PSD3: variants seen among roughly 807,000 people sequenced by gnomAD.
PSD3 encodes the protein PH and SEC7 domain-containing protein 3.
PSD3 carries 49 observed loss-of-function variants against 105.5 expected under a neutral mutation model. The ratio of observed to expected loss-of-function variants is 0.46; its 90% CI spans 0.37 to 0.59. The LOEUF is 0.59. Ranked by LOEUF, PSD3 falls within the 20% of genes least tolerant of loss-of-function variation. The pLI is 0.00. For synonymous variants in PSD3, 557 were observed against 457.8 expected, an observed-to-expected ratio of 1.22 and a Z score of -2.77; for missense variants, 1,561 against 1,263.8, an observed-to-expected ratio of 1.24 and a Z score of -3.57.
intron 4 of PSD3, among the ~76,000 whole-genome samples, chr8:18,846,542 T>C (rs1192761351): frequency 6.6e-6 from 1 of 152,034 alleles, no homozygotes; most frequent in Non-Finnish European, 1.5e-5. Flanking sequence ...CTCTGGGAGG[T>C]TGTATTCCTG....
At chr8:19,080,495 A>G (rs188891308) in intron 1 of PSD3, among the ~76,000 whole-genome samples, 11 of 152,266 alleles carry the variant, frequency 7.2e-5, no homozygotes, top group Middle Eastern at 3.4e-3. Flanking sequence ...AATTCACACT[A>G]TTTTTCCTAG....
intron 1 of PSD3, among the ~76,000 whole-genome samples, chr8:19,029,253 T>C (rs969486302): frequency 3.9e-5 from 6 of 152,190 alleles, no homozygotes; most frequent in South Asian, 4.1e-4. Flanking sequence ...TTGGAGGGAA[T>C]TGAAAATCTC....
chr8:18,641,365 T>A (rs1807628616), intron 10 of PSD3, among the ~76,000 whole-genome samples: 1 of 152,186 alleles, frequency 6.6e-6, no homozygotes, highest in South Asian at 2.1e-4. Flanking sequence ...TGCTAGGCAG[T>A]CCTGATATCA....
chr8:18,816,645 T>C (rs1234606032), intron 4 of PSD3, among the ~76,000 whole-genome samples: 1 of 152,236 alleles, frequency 6.6e-6, no homozygotes, highest in Non-Finnish European at 1.5e-5. Context: ...TTCTAAGTGC[T>C]AGGGGTGCAG....
At position 18,871,820 on chromosome 8, in the gene PSD3, A is replaced by C. The variant is rs1416242331; in HGVS notation, c.1044T>G (p.Ala348=). The C allele has an allele frequency of 2.5e-6, 4 of 1,614,114 alleles. No individual in the cohort carries two copies. The highest frequency in any genetic ancestry group is 3.4e-6 in the Non-Finnish European group (4 of 1,180,050). ...TTAAACTACTTGAATTACACAAACC[A>C]GCTGATGAGATGAGATGGCGTGGCA... ...SKVPRHLISS[A]GLCNSSSLTE... Residue 348 remains alanine, a synonymous_variant, in exon 3 of 16, where the codon GCT becomes GCG. Coordinates refer to ENST00000327040, the MANE Select transcript of PSD3 (RefSeq NM_015310.4).
At chr8:18,620,498 C>T (rs572336027) in intron 11 of PSD3, among the ~76,000 whole-genome samples, 1 of 151,992 alleles carries the variant, frequency 6.6e-6, no homozygotes, top group African/African-American at 2.4e-5. Flanking sequence ...TCACTTGAGC[C>T]CAGTAGTTTG....
In PSD3 at chr8:18,872,729, A is replaced by G. The variant is rs760367384; in HGVS notation, c.135T>C (p.Asp45=). 2.1e-5 allele frequency: 33 copies of G among 1,553,628 alleles called. 1 individual carries two copies. The East Asian group carries it at 7.4e-4, about 35-fold the overall frequency. Residue 45 remains aspartate, a synonymous_variant, in exon 3 of 16, where the codon GAT becomes GAC. Coordinates refer to ENST00000327040, the MANE Select transcript of PSD3 (RefSeq NM_015310.4). The stretch of plus-strand genomic sequence containing the variant: ...GTGGGAGTAAAGTGCTTCCTCCATG[A>G]TCACCTGTGAAGAGAACACAATGGA... ...RSEGKAPDTS[D]HGGSTLLPPN...
chr8:18,986,670 AAG>A (rs1240098687), intron 1 of PSD3, among the ~76,000 whole-genome samples: 1 of 151,850 alleles, frequency 6.6e-6, no homozygotes, highest in Non-Finnish European at 1.5e-5. Flanking sequence ...GCTCTTTTTG[AAG>A]AGTTAGACAC....
At chr8:18,646,745 A>C (rs1043949846) in intron 10 of PSD3, among the ~76,000 whole-genome samples, 14 of 152,198 alleles carry the variant, frequency 9.2e-5, no homozygotes, top group Non-Finnish European at 2.9e-5. Context: ...ACAGAGAAAC[A>C]ACTGAGATTA....
intron 8 of PSD3, among the ~76,000 whole-genome samples, chr8:18,790,812 G>C (rs148868870): frequency 1.3e-5 from 2 of 150,910 alleles, no homozygotes; most frequent in East Asian, 2.0e-4. Context: ...CTGTGTCTGG[G>C]AAGCTCCAAG....
chr8:19,081,131 A>G (rs1030565924), intron 1 of PSD3, among the ~76,000 whole-genome samples: 2 of 152,150 alleles, frequency 1.3e-5, no homozygotes, highest in African/African-American at 4.8e-5. Context: ...GGCCCATAGA[A>G]TATTCTCTGA....
intron 9 of PSD3, chr8:18,721,204 T>C (rs1802947322): frequency 6.6e-6 from 1 of 151,962 alleles, no homozygotes; most frequent in Non-Finnish European, 1.5e-5. Context: ...GTGTGTGCAA[T>C]TTCTGATACT....
intron 1 of PSD3, among the ~76,000 whole-genome samples, chr8:19,028,299 C>CCCCCCCTTT (rs1563517980): frequency 2.1e-5 from 2 of 96,184 alleles, no homozygotes; most frequent in African/African-American, 4.2e-5. Flanking sequence ...CCGGCCCACC[C>CCCCCCCTTT]TTTTTTTTTT....
intron 11 of PSD3, among the ~76,000 whole-genome samples, chr8:18,614,850 G>A (rs1347161427): frequency 6.6e-6 from 1 of 150,982 alleles, no homozygotes; most frequent in Non-Finnish European, 1.5e-5. Context: ...TGCCCCGGCT[G>A]GTCTCGAACT....
Position 18,528,751 on chromosome 8 carries a change from G to A in PSD3, c.*6992C>T, listed in dbSNP as rs997581340. The A allele has an allele frequency of 2.0e-5, 3 of 152,636 alleles. No individual in the cohort carries two copies. The highest frequency in any genetic ancestry group is 4.8e-5 in the African/African-American group (2 of 41,432). The allele number at this position is 152,636 out of a possible 1,614,324, so 9.5% of individuals were successfully genotyped here. A position where few individuals can be genotyped will look rare whatever the true frequency, so the allele number is the denominator to read the frequency against. ...GCCTGAAGACTTATTTATGGCGACC[G>A]ATGGGAAAATATTAAGTGAAACTCC... On this transcript the variant is annotated 3_prime_UTR_variant, in exon 16 of 16. Transcript: ENST00000327040.
intron 9 of PSD3, among the ~76,000 whole-genome samples, chr8:18,681,990 C>T (rs1221710898): frequency 2.1e-5 from 3 of 145,398 alleles, no homozygotes; most frequent in Admixed American, 6.8e-5. Context: ...ACTCCTGCGG[C>T]GTTTGCAATA....
At chr8:18,799,949 T>C (rs189702391) in intron 7 of PSD3, among the ~76,000 whole-genome samples, 38 of 152,336 alleles carry the variant, frequency 2.5e-4, no homozygotes, top group African/African-American at 8.7e-4. Flanking sequence ...ATTGCACTCA[T>C]AAATTAAAGC....
intron 12 of PSD3, among the ~76,000 whole-genome samples, chr8:18,593,208 T>A (rs2130510596): frequency 6.6e-6 from 1 of 152,132 alleles, no homozygotes; most frequent in Middle Eastern, 3.4e-3. Flanking sequence ...GGGAGAAAAT[T>A]TTTCCAATCT....
chr8:18,825,706 G>A (rs1323695709), intron 4 of PSD3, among the ~76,000 whole-genome samples: 1 of 152,204 alleles, frequency 6.6e-6, no homozygotes, highest in Non-Finnish European at 1.5e-5. Context: ...TCAATGGACT[G>A]AGAACAACCT....
Sources: allele counts gnomAD v4.1 joint callset (sites outside exome capture counted in the v4.1 genomes callset), GRCh38; gene constraint gnomAD v4.1.1; transcripts MANE v1.5; gene names NCBI Gene and HGNC (gene_info 2026-07-23, HGNC 2026-07-21).